HEATR5A: variants seen among roughly 807,000 people sequenced by gnomAD.
HEATR5A encodes the protein HEAT repeat containing 5A.
HEATR5A carries 178 observed loss-of-function variants against 218.8 expected under a neutral mutation model. The observed-to-expected ratio is 0.81, with a 90% CI of 0.72 to 0.92. The LOEUF (loss-of-function observed/expected upper bound fraction) is 0.92, where lower values mean the gene tolerates loss of function less well. Ranked by LOEUF, HEATR5A falls within the 40% of genes least tolerant of loss-of-function variation. HEATR5A has a pLI of 0.00. For synonymous variants in HEATR5A, 864 were observed against 871.6 expected (o/e 0.99, Z 0.15); for missense variants, 2,420 against 2,418.9 (o/e 1.00, Z -0.01).
At chr14:31,386,069 C>T (rs1473721543) in intron 9 of HEATR5A, among the ~76,000 whole-genome samples, 3 of 152,168 alleles carry the variant, frequency 2.0e-5, no homozygotes, top group Non-Finnish European at 4.4e-5. Context: ...TGATTAAACA[C>T]TTAAGAAAGA....
chr14:31,360,050 TA>T (rs56352246), intron 14 of HEATR5A, among the ~76,000 whole-genome samples: 123,277 of 147,050 alleles, frequency 0.84, 52,458 homozygotes, highest in Non-Finnish European at 0.93. Context: ...TCTCATGTTG[TA>T]AAAAAAAAAA....
Position 31,293,294 on chromosome 14 carries a change from C to T in HEATR5A, c.*11G>A. The T allele has an allele frequency of 2.3e-6, 3 of 1,322,294 alleles. No homozygotes were observed. The highest frequency in any genetic ancestry group is 3.1e-6 in the Non-Finnish European group (3 of 977,706). 81.9% of individuals were successfully genotyped at this position (1,322,294 alleles called of 1,614,324 possible). On this transcript the variant is annotated 3_prime_UTR_variant, in exon 36 of 36. Coordinates refer to ENST00000543095, the MANE Select transcript of HEATR5A (RefSeq NM_015473.4). The stretch of plus-strand genomic sequence containing the variant: ...TATTATATTAAGGTGCTTACTATTC[C>T]AAAAAAAAAATCAGAGGAAACTGGT...
chr14:31,356,607 G>A (rs542793108), intron 16 of HEATR5A, among the ~76,000 whole-genome samples: 1 of 152,210 alleles, frequency 6.6e-6, no homozygotes. Context: ...CAGAATGATA[G>A]GGTTTGCTTT....
In HEATR5A at chr14:31,342,978, C is replaced by T. The variant is rs908879114; in HGVS notation, c.3228+918G>A. Among the ~76,000 whole-genome samples the T allele has an allele frequency of 7.9e-5, 12 of 151,986 alleles. 1 individual carries two copies. The highest frequency in any genetic ancestry group is 2.6e-4 in the Admixed American group (4 of 15,266). On this transcript the variant is annotated intron_variant, in intron 21 of 35. Transcript: ENST00000543095. ...TCACGTTACTAATGGGAGTGTGCTA[C>T]GAATACTGCAGGAGTAGAAAAATTT...
chr14:31,313,353 CTG>C (rs1012755018), intron 27 of HEATR5A, among the ~76,000 whole-genome samples, 163 bp from the exon 28 acceptor site: 3 of 152,112 alleles, frequency 2.0e-5, no homozygotes, highest in Non-Finnish European at 4.4e-5. Flanking sequence ...ACACAGAAAA[CTG>C]GGGTAGAAAG....
chr14:31,396,578 C>T (rs2139298175), intron 4 of HEATR5A, among the ~76,000 whole-genome samples: 1 of 152,338 alleles, frequency 6.6e-6, no homozygotes, highest in Admixed American at 6.5e-5. Context: ...CAAAGATCAG[C>T]ATCAAGAATC....
chr14:31,363,328 CA>C (rs1901692013), intron 14 of HEATR5A, among the ~76,000 whole-genome samples: 1 of 152,004 alleles, frequency 6.6e-6, no homozygotes. Context: ...TGTCACAACG[CA>C]ACAGTTATCT....
chr14:31,301,317 GC>G (rs947470690), intron 33 of HEATR5A, among the ~76,000 whole-genome samples: 2 of 152,008 alleles, frequency 1.3e-5, no homozygotes, highest in Non-Finnish European at 2.9e-5. Context: ...GTGCAGTGGC[GC>G]AACCTTGGCT....
At chr14:31,326,607 A>C (rs974317744) in intron 22 of HEATR5A, among the ~76,000 whole-genome samples, 6 of 152,158 alleles carry the variant, frequency 3.9e-5, no homozygotes, top group African/African-American at 1.4e-4. Context: ...AATCAGGTAA[A>C]AAGTTTTACC....
At chr14:31,341,557 G>A (rs1900840350) in intron 21 of HEATR5A, among the ~76,000 whole-genome samples, 1 of 151,804 alleles carries the variant, frequency 6.6e-6, no homozygotes, top group Non-Finnish European at 1.5e-5. Flanking sequence ...CACCATGCCC[G>A]GATAATTTTC....
rs1295527077 is a variant in HEATR5A, at chr14:31,318,229, A to G, written c.4033T>C (p.Cys1345Arg). 7 of 1,613,386 alleles carry G rather than the reference A, an allele frequency of 4.3e-6. No individual in the cohort carries two copies. Among genetic ancestry groups the G allele is most frequent in the African/African-American group, 1.3e-5 (1 of 74,930 alleles). ...ETPPDVTAKA[C>R]QVCSAWIASG... ...TTCATCTTTTAACCATTTACCTGAC[A>G]TGCTTTGGCAGTGACATCAGGTGGT... is the stretch of plus-strand genomic sequence containing the variant. Residue 1345 changes from cysteine to arginine, a missense_variant, in exon 26 of 36, where the codon TGT becomes CGT. By Grantham distance (180) the Cys-to-Arg change is radical (BLOSUM62 -3). Coordinates refer to ENST00000543095, the MANE Select transcript of HEATR5A (RefSeq NM_015473.4).
chr14:31,369,379 G>A (rs576098986), intron 13 of HEATR5A, among the ~76,000 whole-genome samples: 3 of 152,198 alleles, frequency 2.0e-5, no homozygotes, highest in East Asian at 1.9e-4. Context: ...TTGGGAGGCT[G>A]AGGCCGGCAG....
At chr14:31,387,044 A>G in intron 8 of HEATR5A, 76 bp downstream of exon 8, 1 of 1,393,290 alleles carries the variant, frequency 7.2e-7, no homozygotes, top group Non-Finnish European at 1.0e-6. Context: ...ATATAGTATT[A>G]TATATCAGTC....
At position 31,402,934 on chromosome 14, in the gene HEATR5A, G is replaced by T; in HGVS notation, c.42C>A (p.Tyr14Ter). Residue 14 changes from tyrosine to a stop codon, truncating the protein, a stop_gained, in exon 2 of 36, where the codon TAC becomes TAA. Transcript: ENST00000543095. LOFTEE classifies it high-confidence loss of function. ...AHSLLLNEEA[Y>*]NQLGEVQKAE... Reference sequence around the variant, plus strand: ...CCTTCTGAACTTCACCTAGTTGATTGTATGCTTCTTCATTCAGCAGTAAGC... The same window carrying T: ...CCTTCTGAACTTCACCTAGTTGATTTTATGCTTCTTCATTCAGCAGTAAGC... 6.5e-7 allele frequency: 1 copy of T among 1,536,112 alleles called. No individual in the cohort carries two copies. The highest frequency in any genetic ancestry group is 8.7e-7 in the Non-Finnish European group (1 of 1,146,768).
At chr14:31,361,967 TTTATTTATTTATTTAG>T (rs1362179418) in intron 14 of HEATR5A, among the ~76,000 whole-genome samples, 51 of 151,934 alleles carry the variant, frequency 3.4e-4, no homozygotes, top group African/African-American at 1.2e-3. Flanking sequence ...TATTTATTTA[TTTATTTATTTATTTAG>T]AGATGGAATC....
intron 33 of HEATR5A, chr14:31,296,473 C>T (rs1348257125): frequency 6.3e-6 from 1 of 159,360 alleles, no homozygotes; most frequent in African/African-American, 2.4e-5. Context: ...ACACATGACG[C>T]TCAGTATATG....
chr14:31,310,278 T>C (rs937611090), intron 28 of HEATR5A, among the ~76,000 whole-genome samples: 9 of 152,126 alleles, frequency 5.9e-5, no homozygotes, highest in African/African-American at 2.2e-4. Flanking sequence ...CAAGTGACCC[T>C]CCCACCTCAG....
chr14:31,380,008 T>A, intron 11 of HEATR5A, among the ~76,000 whole-genome samples: 1 of 152,320 alleles, frequency 6.6e-6, no homozygotes, highest in East Asian at 1.9e-4. Context: ...TTACTGTTTT[T>A]TAATAAATAT....
At chr14:31,356,959 T>C (rs939339044) in intron 16 of HEATR5A, among the ~76,000 whole-genome samples, 6 of 152,220 alleles carry the variant, frequency 3.9e-5, no homozygotes, top group African/African-American at 1.4e-4. Context: ...TCATCCACAG[T>C]AGTTATTGGT....
Sources: gnomAD v4.1 joint callset for allele counts (sites outside exome capture counted in the v4.1 genomes callset) on GRCh38, gnomAD v4.1.1 for gene constraint, MANE v1.5 for transcripts, NCBI Gene and HGNC (gene_info 2026-07-23, HGNC 2026-07-21) for gene names.